Variants in TMEM14A observed in about 807,000 individuals in gnomAD.
TMEM14A encodes the protein transmembrane protein 14A.
A neutral mutation model predicts 11.6 loss-of-function variants in TMEM14A; 8 were observed. The ratio of observed to expected loss-of-function variants is 0.69; its 90% CI spans 0.40 to 1.24. TMEM14A has a LOEUF of 1.24. Among genes scored for constraint, TMEM14A ranks in the 50% most tolerant of loss-of-function variants. The probability of loss-of-function intolerance (pLI) is 0.01; values close to 1 mark genes in which losing one functional copy is unlikely to be tolerated. For missense variants in TMEM14A, 108 were observed against 121.9 expected (o/e 0.89, Z 0.54); for synonymous variants, 34 against 45.5 (o/e 0.75, Z 1.02).
chr6:52,682,137 C>T (rs904661451), intron 3 of TMEM14A, among the ~76,000 whole-genome samples: 1 of 152,102 alleles, frequency 6.6e-6, no homozygotes. Context: ...TATAAAAACT[C>T]GTTACTAGAA....
chr6:52,680,704 T>TATATACACACAC lies in TMEM14A; in HGVS notation c.71-1108_71-1107insTATACACACACA, dbSNP rs371102796. Among the ~76,000 whole-genome samples the TATATACACACAC allele has an allele frequency of 3.9e-4, 20 of 51,106 alleles. 1 individual carries two copies. The highest frequency in any genetic ancestry group is 1.0e-3 in the Admixed American group (5 of 4,862). The allele number at this position is 51,106 out of a possible 152,430, so 33.5% of individuals were successfully genotyped here. A position where few individuals can be genotyped will look rare whatever the true frequency, so the allele number is the denominator to read the frequency against. On this transcript the variant is annotated intron_variant, in intron 2 of 4. Transcript: ENST00000211314. ...ATATACATATATGTATATATATATATACACATATATATATGGCATGGATGA... is the reference window on the plus strand; with the variant it reads ...ATATACATATATGTATATATATATATATATACACACACACACATATATATATGGCATGGATGA...
intron 2 of TMEM14A, among the ~76,000 whole-genome samples, chr6:52,680,334 C>A (rs1012531119): frequency 6.6e-6 from 1 of 151,606 alleles, no homozygotes; most frequent in African/African-American, 2.4e-5. Context: ...AACAGTATGT[C>A]TGAAAGCCAT....
Position 52,681,861 on chromosome 6 carries a change from G to T in TMEM14A, c.119G>T (p.Gly40Val). 1 of 1,614,044 alleles carries T rather than the reference G, an allele frequency of 6.2e-7. No homozygotes were observed. Among genetic ancestry groups the T allele is most frequent in the Non-Finnish European group, 8.5e-7 (1 of 1,179,990 alleles). ...IAGLFVGCLAGYGAYRVSNDK... is the reference protein window; with the variant it reads ...IAGLFVGCLAVYGAYRVSNDK... ...GGTCTTTTTGTTGGATGTTTGGCCG[G>T]CTATGGAGCTTACCGTGTCTCCAAT... is the stretch of plus-strand genomic sequence containing the variant. Residue 40 changes from glycine to valine, a missense_variant, in exon 3 of 5, where the codon GGC (glycine) becomes GTC (valine). Gly to Val is a moderately radical substitution (Grantham distance 109). Transcript: ENST00000211314.
chr6:52,679,487 C>T (rs527494708), intron 2 of TMEM14A, among the ~76,000 whole-genome samples: 7 of 152,222 alleles, frequency 4.6e-5, no homozygotes, highest in African/African-American at 9.6e-5. Flanking sequence ...GCTATTTGGA[C>T]GACCATAAGA....
At position 52,686,201 on chromosome 6, in the gene TMEM14A, T is replaced by A. The variant is rs1769490652; in HGVS notation, c.*152T>A. On this transcript the variant is annotated 3_prime_UTR_variant, in exon 5 of 5. Transcript: ENST00000211314. ...AATATGAACATTAGTTTGAGGTAGT[T>A]TTTTTCTAAAGCAAAAATTTTAACT... is the stretch of plus-strand genomic sequence containing the variant. The A allele has an allele frequency of 1.5e-6, 1 of 661,284 alleles. No individual in the cohort carries two copies. The highest frequency in any genetic ancestry group is 2.3e-6 in the Non-Finnish European group (1 of 439,522). The allele number at this position is 661,284 out of a possible 1,614,324, so 41.0% of individuals were successfully genotyped here. A position where few individuals can be genotyped will look rare whatever the true frequency, so the allele number is the denominator to read the frequency against.
Position 52,686,047 on chromosome 6 carries a change from T to G in TMEM14A, c.298T>G (p.Ter100GlyextTer8). The part of the protein sequence containing the change: ...MILRLVLLLL[*>G] ...CCTGAGACTTGTCTTGTTGCTGCTC[T>G]GAGCATCTGGAGGAACAGAAAACTA... The change falls in exon 5 of 5, where the codon TGA (stop) becomes GGA (glycine). Residue 100 changes from the stop codon to glycine (G), a stop_lost. Transcript: ENST00000211314. 2 of 1,611,862 alleles carry G rather than the reference T, an allele frequency of 1.2e-6. No homozygotes were observed. Among genetic ancestry groups the G allele is most frequent in the Non-Finnish European group, 1.7e-6 (2 of 1,179,044 alleles).
chr6:52,680,704 T>TATACATATATATATATATATAC lies in TMEM14A; in HGVS notation c.71-1108_71-1107insTACATATATATATATATATACA, dbSNP rs371102796. On this transcript the variant is annotated intron_variant, in intron 2 of 4. Transcript: ENST00000211314. ...ATATACATATATGTATATATATATA[T>TATACATATATATATATATATAC]ACACATATATATATGGCATGGATGA... Among the ~76,000 whole-genome samples the TATACATATATATATATATATAC allele has an allele frequency of 9.8e-5, 5 of 51,096 alleles. 1 individual carries two copies. The highest frequency in any genetic ancestry group is 1.7e-4 in the African/African-American group (3 of 17,460). The allele number at this position is 51,096 out of a possible 152,430, so 33.5% of individuals were successfully genotyped here.
At chr6:52,678,606 G>A (rs1769307334) in intron 2 of TMEM14A, among the ~76,000 whole-genome samples, 1 of 152,088 alleles carries the variant, frequency 6.6e-6, no homozygotes, top group African/African-American at 2.4e-5. Context: ...AAAAGCATGG[G>A]CCACAGAATC....
chr6:52,677,665 G>A (rs1413412026), intron 2 of TMEM14A, among the ~76,000 whole-genome samples: 1 of 152,062 alleles, frequency 6.6e-6, no homozygotes, highest in Non-Finnish European at 1.5e-5. Flanking sequence ...AAAAGGAAAG[G>A]TCAAATTTTT....
intron 1 of TMEM14A, among the ~76,000 whole-genome samples, chr6:52,676,832 C>G (rs1024235387): frequency 2.6e-5 from 4 of 152,124 alleles, no homozygotes; most frequent in Non-Finnish European, 2.9e-5. Context: ...GTGCTACACG[C>G]TTTCAAACAT....
chr6:52,673,446 CT>C lies in TMEM14A; in HGVS notation c.-17+2202del, dbSNP rs990569267. ...ATGATGTTTGCAAGCGGTTGTTTTC[CT>C]GCCCAGCTCACCACCACTGGACTCC... is the stretch of plus-strand genomic sequence containing the variant. On this transcript the variant is annotated intron_variant, in intron 1 of 4. Coordinates refer to ENST00000211314, the MANE Select transcript of TMEM14A (RefSeq NM_014051.4). Among the ~76,000 whole-genome samples the C allele has an allele frequency of 2.1e-5, 3 of 143,058 alleles. No homozygotes were observed. The Admixed American group carries it at 2.1e-4, about 10-fold the overall frequency. 93.9% of individuals were successfully genotyped at this position (143,058 alleles called of 152,430 possible). A position where few individuals can be genotyped will look rare whatever the true frequency, so the allele number is the denominator to read the frequency against.
chr6:52,678,357 G>A (rs1174926830), intron 2 of TMEM14A, among the ~76,000 whole-genome samples: 1 of 136,622 alleles, frequency 7.3e-6, no homozygotes, highest in Non-Finnish European at 1.6e-5. Flanking sequence ...GTGTGTGTGT[G>A]TGTGTGTGTG....
At position 52,686,225 on chromosome 6, in the gene TMEM14A, CTG is replaced by C. The variant is rs1205616378; in HGVS notation, c.*178_*179del. Reference sequence around the variant, plus strand: ...TTTTTTTCTAAAGCAAAAATTTTAACTGTTTTCTAATTGTCAAGCACTATTTT... The same window carrying C: ...TTTTTTTCTAAAGCAAAAATTTTAACTTTTCTAATTGTCAAGCACTATTTT... On this transcript the variant is annotated 3_prime_UTR_variant, in exon 5 of 5. Transcript: ENST00000211314. The C allele has an allele frequency of 8.7e-5, 43 of 493,198 alleles. No individual in the cohort carries two copies. The highest frequency in any genetic ancestry group is 1.1e-4 in the Non-Finnish European group (31 of 288,302). 30.6% of individuals were successfully genotyped at this position (493,198 alleles called of 1,614,324 possible).
At chr6:52,682,327 A>G (rs1769405542) in intron 3 of TMEM14A, among the ~76,000 whole-genome samples, 1 of 152,256 alleles carries the variant, frequency 6.6e-6, no homozygotes, top group Non-Finnish European at 1.5e-5. Flanking sequence ...TTAACCTAAA[A>G]AAGCAAGGCT....
chr6:52,671,648 T>C (rs1320460500), intron 1 of TMEM14A, among the ~76,000 whole-genome samples: 1 of 152,214 alleles, frequency 6.6e-6, no homozygotes, highest in Non-Finnish European at 1.5e-5. Flanking sequence ...ATCTTTAGCA[T>C]GTGAAAATGC....
At chr6:52,681,722 T>C (rs993333210) in intron 2 of TMEM14A, 91 bp from the exon 3 acceptor site, 2 of 1,086,824 alleles carry the variant, frequency 1.8e-6, no homozygotes, top group African/African-American at 3.1e-5. Context: ...GGAATACATT[T>C]GAAGGTGCCT....
chr6:52,671,487 C>T (rs1769160665), intron 1 of TMEM14A, among the ~76,000 whole-genome samples: 1 of 152,082 alleles, frequency 6.6e-6, no homozygotes, highest in African/African-American at 2.4e-5. Flanking sequence ...CCTATCCTGC[C>T]TCCTACCTTC....
At position 52,680,711 on chromosome 6, in the gene TMEM14A, A is replaced by G. The variant is rs1769374250; in HGVS notation, c.71-1102A>G. Among the ~76,000 whole-genome samples the G allele has an allele frequency of 2.3e-5, 3 of 130,594 alleles. 1 individual carries two copies. In the South Asian group the frequency reaches 7.2e-4, roughly 31 times the overall value. The allele number at this position is 130,594 out of a possible 152,430, so 85.7% of individuals were successfully genotyped here. A position where few individuals can be genotyped will look rare whatever the true frequency, so the allele number is the denominator to read the frequency against. ...TATATGTATATATATATATACACAT[A>G]TATATATGGCATGGATGATTAACCC... On this transcript the variant is annotated intron_variant, in intron 2 of 4. Coordinates refer to ENST00000211314, the MANE Select transcript of TMEM14A (RefSeq NM_014051.4).
intron 2 of TMEM14A, among the ~76,000 whole-genome samples, chr6:52,679,432 C>A (rs1006177655): frequency 6.6e-6 from 1 of 152,214 alleles, no homozygotes; most frequent in Non-Finnish European, 1.5e-5. Context: ...GGCACTGACA[C>A]AGCAATCCCT....
Sources: gnomAD v4.1 joint callset for allele counts (sites outside exome capture counted in the v4.1 genomes callset) on GRCh38, gnomAD v4.1.1 for gene constraint, MANE v1.5 for transcripts, NCBI Gene and HGNC (gene_info 2026-07-23, HGNC 2026-07-21) for gene names.